The following IQGAP2 variants were observed in gnomAD, a reference collection of about 807,000 sequenced individuals.
IQGAP2 encodes the protein IQ motif containing GTPase activating protein 2, also known as ras GTPase-activating-like protein IQGAP2.
Under a neutral mutation model 201.3 loss-of-function variants are expected in IQGAP2, and 173 were observed. That is an observed-to-expected ratio of 0.86 (90% CI 0.76 to 0.98). The LOEUF (loss-of-function observed/expected upper bound fraction) is 0.98. Among genes scored for constraint, IQGAP2 ranks in the 50% least tolerant of loss-of-function variants. The probability of loss-of-function intolerance (pLI) is 0.00; values close to 1 mark genes in which losing one functional copy is unlikely to be tolerated. For missense variants in IQGAP2, 1,687 were observed against 1,864.8 expected (o/e 0.90, Z 1.76); for synonymous variants, 675 against 673.9 (o/e 1.00, Z -0.03).
chr5:76,667,990 CA>C (rs1743943625), intron 22 of IQGAP2, among the ~76,000 whole-genome samples: 1 of 151,448 alleles, frequency 6.6e-6, no homozygotes, highest in South Asian at 2.1e-4. Context: ...GTGATCCTCC[CA>C]ACCTCAGCCT....
At chr5:76,532,551 T>A (rs1030082077) in intron 2 of IQGAP2, among the ~76,000 whole-genome samples, 48 of 152,150 alleles carry the variant, frequency 3.2e-4, no homozygotes, top group Non-Finnish European at 1.0e-4. Flanking sequence ...CCTCCTATCC[T>A]GTAGGCGTGG....
chr5:76,521,903 C>G (rs1386750332), intron 2 of IQGAP2, among the ~76,000 whole-genome samples: 1 of 151,808 alleles, frequency 6.6e-6, no homozygotes, highest in Non-Finnish European at 1.5e-5. Context: ...GCTTGGAGAT[C>G]AATTCCTCTA....
At chr5:76,459,139 TTAAG>T (rs1245374937) in intron 1 of IQGAP2, among the ~76,000 whole-genome samples, 1 of 152,196 alleles carries the variant, frequency 6.6e-6, no homozygotes, top group East Asian at 1.9e-4. Context: ...AATTCACACA[TTAAG>T]TAAAATCTCT....
intron 2 of IQGAP2, among the ~76,000 whole-genome samples, chr5:76,478,262 G>A (rs1755567247): frequency 6.6e-6 from 1 of 152,114 alleles, no homozygotes; most frequent in African/African-American, 2.4e-5. Context: ...TTAGCCAGGC[G>A]TGGTGGTGCA....
At position 76,671,804 on chromosome 5, in the gene IQGAP2, A is replaced by G; in HGVS notation, c.2889A>G (p.Thr963=). ...AGGACATAGTTACTGGTAACCCTAC[A>G]GTCATCAAGATGGTCGTCAGCTTCA... ...QVQDIVTGNP[T]VIKMVVSFNR... is the part of the protein sequence containing the mutation. The change falls in exon 24 of 36, where the codon ACA becomes ACG. Residue 963 remains threonine, a synonymous_variant. Coordinates refer to ENST00000274364, the MANE Select transcript of IQGAP2 (RefSeq NM_006633.5). 1 of 1,614,134 alleles carries G rather than the reference A, an allele frequency of 6.2e-7. No individual in the cohort carries two copies. The highest frequency in any genetic ancestry group is 8.5e-7 in the Non-Finnish European group (1 of 1,180,008).
intron 3 of IQGAP2, among the ~76,000 whole-genome samples, chr5:76,568,337 T>C (rs1744891279): frequency 6.6e-6 from 1 of 152,192 alleles, no homozygotes; most frequent in Admixed American, 6.5e-5. Context: ...CCAAGCCTAA[T>C]CTTGTATTGT....
At chr5:76,479,444 C>T (rs1325161824) in intron 2 of IQGAP2, among the ~76,000 whole-genome samples, 1 of 152,130 alleles carries the variant, frequency 6.6e-6, no homozygotes, top group Non-Finnish European at 1.5e-5. Flanking sequence ...TTGGGGAACA[C>T]AGACCAGCTG....
intron 27 of IQGAP2, among the ~76,000 whole-genome samples, chr5:76,675,387 T>G (rs1334737062): frequency 6.6e-6 from 1 of 152,226 alleles, no homozygotes; most frequent in African/African-American, 2.4e-5. Flanking sequence ...ATACTTGATT[T>G]TGAAAGGTTA....
At chr5:76,463,364 A>C (rs1214281385) in intron 2 of IQGAP2, among the ~76,000 whole-genome samples, 1 of 152,168 alleles carries the variant, frequency 6.6e-6, no homozygotes, top group East Asian at 1.9e-4. Context: ...TTACACAAGC[A>C]GCTTGACCTT....
In IQGAP2 at chr5:76,698,062, C is replaced by T. The variant is rs1314851462; in HGVS notation, c.4282C>T (p.Leu1428Phe). The T allele has an allele frequency of 6.2e-7, 1 of 1,612,964 alleles. No individual in the cohort carries two copies. Among genetic ancestry groups the T allele is most frequent in the Non-Finnish European group, 8.5e-7 (1 of 1,179,040 alleles). ...LAKLQQTLNA[L>F]NKKAAFYEEQ... Reference sequence around the variant, plus strand: ...AAAACTTCAGCAGACCCTGAATGCACTTAACAAGAAGGCAGCATTTTATGA... The same window carrying T: ...AAAACTTCAGCAGACCCTGAATGCATTTAACAAGAAGGCAGCATTTTATGA... Residue 1428 changes from leucine (L) to phenylalanine (F), a missense_variant, in exon 33 of 36, where the codon CTT (leucine) becomes TTT (phenylalanine). Coordinates refer to ENST00000274364, the MANE Select transcript of IQGAP2 (RefSeq NM_006633.5).
intron 2 of IQGAP2, among the ~76,000 whole-genome samples, chr5:76,508,459 A>AT (rs1248015767): frequency 2.0e-5 from 3 of 152,228 alleles, no homozygotes; most frequent in Non-Finnish European, 2.9e-5. Context: ...AGATATCACT[A>AT]TATACGTCTT....
intron 2 of IQGAP2, chr5:76,510,299 C>T (rs1264970246): frequency 6.4e-6 from 1 of 155,968 alleles, no homozygotes; most frequent in African/African-American, 2.4e-5. Flanking sequence ...TGTGCCTGGT[C>T]TTAATTTTTA....
At chr5:76,559,191 G>A (rs906978338) in intron 2 of IQGAP2, among the ~76,000 whole-genome samples, 6 of 152,116 alleles carry the variant, frequency 3.9e-5, no homozygotes, top group Middle Eastern at 3.2e-3. Context: ...GTGAGCCACC[G>A]CACCTGGCCC....
chr5:76,652,635 G>T (rs1752607320), intron 17 of IQGAP2, 115 bp from the exon 18 acceptor site: 1 of 767,960 alleles, frequency 1.3e-6, no homozygotes, highest in African/African-American at 1.7e-5. Context: ...CTGAAGGGAG[G>T]GTGCCTGACA....
At chr5:76,682,202 T>C (rs1043648262) in intron 28 of IQGAP2, among the ~76,000 whole-genome samples, 1 of 152,202 alleles carries the variant, frequency 6.6e-6, no homozygotes, top group Admixed American at 6.5e-5. Flanking sequence ...GTGAGTGGAT[T>C]TGATGTATCT....
At chr5:76,564,501 T>C (rs936476050) in intron 3 of IQGAP2, among the ~76,000 whole-genome samples, 1 of 152,232 alleles carries the variant, frequency 6.6e-6, no homozygotes, top group Non-Finnish European at 1.5e-5. Flanking sequence ...GTATGTGTGC[T>C]AGTTCTTTTC....
chr5:76,594,179 A>G (rs1004350036), intron 9 of IQGAP2, among the ~76,000 whole-genome samples: 10 of 152,224 alleles, frequency 6.6e-5, no homozygotes, highest in East Asian at 3.8e-4. Context: ...TTTTTGCTCT[A>G]TGCGAAAGCT....
chr5:76,500,768 T>G (rs1757227014), intron 2 of IQGAP2, among the ~76,000 whole-genome samples: 1 of 152,212 alleles, frequency 6.6e-6, no homozygotes. Flanking sequence ...TTAGGTTGCT[T>G]TCTTATCTTT....
At chr5:76,686,976 C>G (rs1358077285) in intron 30 of IQGAP2, among the ~76,000 whole-genome samples, 2 of 152,204 alleles carry the variant, frequency 1.3e-5, no homozygotes, top group African/African-American at 4.8e-5. Flanking sequence ...ACTTATATGT[C>G]TATCCTTGTA....
Sources: gnomAD v4.1 joint callset for allele counts (sites outside exome capture counted in the v4.1 genomes callset) on GRCh38, gnomAD v4.1.1 for gene constraint, MANE v1.5 for transcripts, NCBI Gene and HGNC (gene_info 2026-07-23, HGNC 2026-07-21) for gene names.